ZNF607: variants seen among roughly 807,000 people sequenced by gnomAD.
The protein encoded by ZNF607 is zinc finger protein 607.
In ZNF607, 5 loss-of-function variants were observed where a neutral mutation model predicts 12.8. The ratio of observed to expected loss-of-function variants is 0.39; its 90% CI spans 0.20 to 0.82. The LOEUF (loss-of-function observed/expected upper bound fraction) is 0.82. Ranked by LOEUF, ZNF607 falls within the 40% of genes least tolerant of loss-of-function variation. The pLI is 0.39. For synonymous variants in ZNF607, 287 were observed against 276.2 expected, an observed-to-expected ratio of 1.04 and a Z score of -0.39; for missense variants, 851 against 859.2, an observed-to-expected ratio of 0.99 and a Z score of 0.12.
intron 4 of ZNF607, among the ~76,000 whole-genome samples, chr19:37,703,806 TGATTG>T (rs2145231142): frequency 6.6e-6 from 1 of 152,234 alleles, no homozygotes; most frequent in Non-Finnish European, 1.5e-5. Context: ...AAACAACAAC[TGATTG>T]AAATGCAATG....
intron 1 of ZNF607, among the ~76,000 whole-genome samples, chr19:37,714,368 CAACA>C (rs2045157863): frequency 9.3e-6 from 1 of 107,232 alleles, no homozygotes; most frequent in Non-Finnish European, 2.2e-5. Flanking sequence ...GCAGCAGCAA[CAACA>C]AACATACTCA....
chr19:37,703,842 A>G (rs1399488767), intron 4 of ZNF607, among the ~76,000 whole-genome samples: 3 of 152,246 alleles, frequency 2.0e-5, no homozygotes, highest in Non-Finnish European at 4.4e-5. Flanking sequence ...AAGTTAAAAC[A>G]TAACTGGAAA....
chr19:37,709,324 G>C (rs1458759796), intron 3 of ZNF607, among the ~76,000 whole-genome samples: 2 of 152,144 alleles, frequency 1.3e-5, no homozygotes, highest in African/African-American at 2.4e-5. Context: ...AAATGGATCA[G>C]ATAATAAAAT....
intron 1 of ZNF607, among the ~76,000 whole-genome samples, chr19:37,718,515 C>A (rs1028098061): frequency 6.6e-6 from 1 of 152,052 alleles, no homozygotes; most frequent in Non-Finnish European, 1.5e-5. Context: ...CTCCAAGAAC[C>A]GGGAGGTGGG....
chr19:37,715,386 G>A (rs1269746601), intron 1 of ZNF607, among the ~76,000 whole-genome samples: 4 of 150,866 alleles, frequency 2.7e-5, no homozygotes, highest in Middle Eastern at 3.4e-3. Context: ...AGGCTGAGGC[G>A]GGCGGATCAT....
At position 37,697,056 on chromosome 19, in the gene ZNF607, T is replaced by G; in HGVS notation, c.*984A>C. The G allele has an allele frequency of 1.4e-6, 1 of 737,346 alleles. No individual in the cohort carries two copies. The highest frequency in any genetic ancestry group is 2.6e-5 in the East Asian group (1 of 38,734). The allele number at this position is 737,346 out of a possible 1,614,324, so 45.7% of individuals were successfully genotyped here. On this transcript the variant is annotated 3_prime_UTR_variant, in exon 5 of 5. Transcript: ENST00000355202. Reference sequence around the variant, plus strand: ...CGTGGTAATGAACGGCAGCACACACTCATCGTAGTCCTCTCCAATGCTGGT... The same window carrying G: ...CGTGGTAATGAACGGCAGCACACACGCATCGTAGTCCTCTCCAATGCTGGT...
intron 4 of ZNF607, among the ~76,000 whole-genome samples, chr19:37,705,985 G>A (rs907282842): frequency 1.1e-4 from 16 of 151,956 alleles, no homozygotes; most frequent in Non-Finnish European, 2.2e-4. Context: ...CGGATCACCC[G>A]AGGTCAGGAA....
chr19:37,701,872 G>A (rs1167360581), intron 4 of ZNF607, among the ~76,000 whole-genome samples: 1 of 152,104 alleles, frequency 6.6e-6, no homozygotes, highest in African/African-American at 2.4e-5. Context: ...TAACCATGGG[G>A]GGGAGACAGA....
rs1568403158 is a variant in ZNF607 at position 37,699,433 on chromosome 19, G to A, written c.698C>T (p.Ala233Val). The A allele has an allele frequency of 6.2e-7, 1 of 1,614,074 alleles. No individual in the cohort carries two copies. Among genetic ancestry groups the A allele is most frequent in the South Asian group, 1.1e-5 (1 of 91,070 alleles). ...KPYECKECGKAFSVYGRLSRH... is the reference protein window; with the variant it reads ...KPYECKECGKVFSVYGRLSRH... ...ACTAAGTCGTCCATACACACTAAAG[G>A]CCTTGCCACATTCCTTACATTCGTA... Residue 233 changes from alanine (A) to valine (V), a missense_variant, in exon 5 of 5, where the codon GCC (alanine) becomes GTC (valine). Ala to Val is a moderately conservative substitution (Grantham distance 64, BLOSUM62 0). Coordinates refer to ENST00000355202, the MANE Select transcript of ZNF607 (RefSeq NM_032689.5).
intron 3 of ZNF607, among the ~76,000 whole-genome samples, chr19:37,708,927 A>G (rs905234039): frequency 2.0e-5 from 3 of 151,952 alleles, no homozygotes; most frequent in Admixed American, 2.0e-4. Flanking sequence ...AGTTACTTAC[A>G]CTGCTGGTCA....
Position 37,697,617 on chromosome 19 carries a change from A to G in ZNF607, c.*423T>C, listed in dbSNP as rs2044987662. ...GCAGAGTGGCTAAATAGCCTTTCCCATCATCGCTTATATCAACAGAGGTTT... is the reference window on the plus strand; with the variant it reads ...GCAGAGTGGCTAAATAGCCTTTCCCGTCATCGCTTATATCAACAGAGGTTT... On this transcript the variant is annotated 3_prime_UTR_variant, in exon 5 of 5. Coordinates refer to ENST00000355202, the MANE Select transcript of ZNF607 (RefSeq NM_032689.5). The G allele has an allele frequency of 2.5e-6, 1 of 407,416 alleles. No individual in the cohort carries two copies. The highest frequency in any genetic ancestry group is 2.0e-5 in the African/African-American group (1 of 49,106). The allele number at this position is 407,416 out of a possible 1,614,324, so 25.2% of individuals were successfully genotyped here.
At chr19:37,708,356 T>A (rs796272833) in intron 3 of ZNF607, among the ~76,000 whole-genome samples, 2 of 151,820 alleles carry the variant, frequency 1.3e-5, no homozygotes, top group Admixed American at 1.3e-4. Context: ...CCACCATGCC[T>A]GGCTAATTTT....
At chr19:37,711,993 C>A (rs183174401) in intron 1 of ZNF607, among the ~76,000 whole-genome samples, 1 of 152,146 alleles carries the variant, frequency 6.6e-6, no homozygotes, top group Admixed American at 6.6e-5. Context: ...ATTAGGCAGC[C>A]CTGTCCTGCT....
At chr19:37,704,892 A>G (rs981600526) in intron 4 of ZNF607, among the ~76,000 whole-genome samples, 1 of 152,154 alleles carries the variant, frequency 6.6e-6, no homozygotes, top group Admixed American at 6.5e-5. Context: ...TGGAGCTTGC[A>G]GTGAGCCGAG....
rs1568401926 is a variant in ZNF607, at chr19:37,698,165, T to C, written c.1966A>G (p.Ser656Gly). Residue 656 changes from serine (S) to glycine (G), a missense_variant, in exon 5 of 5, where the codon AGT becomes GGT. Ser to Gly is a moderately conservative substitution (Grantham distance 56, BLOSUM62 0). Transcript: ENST00000355202. ...TGATGTATACTAAGTTCATGGCTAC[T>C]ATTAAAAGCTTTCCCACACTCTTCA... Reference protein sequence around the residue: ...MCEECGKAFNSSHELSIHHRV... With the variant: ...MCEECGKAFNGSHELSIHHRV... 2 of 1,613,946 alleles carry C rather than the reference T, an allele frequency of 1.2e-6. No individual in the cohort carries two copies. Among genetic ancestry groups the C allele is most frequent in the Non-Finnish European group, 1.7e-6 (2 of 1,180,018 alleles).
intron 2 of ZNF607, among the ~76,000 whole-genome samples, chr19:37,711,125 A>C (rs1468760451): frequency 1.3e-5 from 2 of 152,198 alleles, no homozygotes; most frequent in Non-Finnish European, 2.9e-5. Flanking sequence ...GTTCCAATCC[A>C]ATAGACTAAT....
In ZNF607 at chr19:37,709,813, TTATTGATCCCTGAAACA is replaced by T. The variant is rs2045116915; in HGVS notation, c.10-8_18del. 1 of 1,613,300 alleles carries T rather than the reference TTATTGATCCCTGAAACA, an allele frequency of 6.2e-7. No homozygotes were observed. Among genetic ancestry groups the T allele is most frequent in the Non-Finnish European group, 8.5e-7 (1 of 1,179,360 alleles). On this transcript the variant is annotated splice_acceptor_variant and splice_polypyrimidine_tract_variant and coding_sequence_variant and intron_variant, in exon 3 of 5. Transcript: ENST00000355202. LOFTEE classifies it high-confidence loss of function. ...AAGTCTATGGCCACATCCCCGAATG[TTATTGATCCCTGAAACA>T]GCAAACCCATGTATTACTGGGGAAA...
intron 1 of ZNF607, among the ~76,000 whole-genome samples, chr19:37,717,271 C>T (rs1230975239): frequency 6.6e-6 from 1 of 152,128 alleles, no homozygotes; most frequent in African/African-American, 2.4e-5. Flanking sequence ...CTGCAAGGTC[C>T]GCCTCCCAGG....
chr19:37,704,843 C>A (rs907980543), intron 4 of ZNF607, among the ~76,000 whole-genome samples: 3 of 128,526 alleles, frequency 2.3e-5, no homozygotes, highest in African/African-American at 8.4e-5. Flanking sequence ...TGTAGCTATT[C>A]AAGAGGCTGA....
Sources: gnomAD v4.1 joint callset for allele counts (sites outside exome capture counted in the v4.1 genomes callset) on GRCh38, gnomAD v4.1.1 for gene constraint, MANE v1.5 for transcripts, NCBI Gene and HGNC (gene_info 2026-07-23, HGNC 2026-07-21) for gene names.